Variants in MCTP1 observed in about 807,000 individuals in gnomAD.
MCTP1 encodes multiple C2 and transmembrane domain-containing protein 1.
In MCTP1, 69 loss-of-function variants were observed where a neutral mutation model predicts 120.6. That is an observed-to-expected ratio of 0.57 (90% CI 0.47 to 0.70). The LOEUF is 0.70. MCTP1 is among the 30% of genes least tolerant of loss of function. MCTP1 has a pLI of 0.00. For synonymous variants in MCTP1, 529 were observed against 493.1 expected (o/e 1.07, Z -0.96); for missense variants, 1,203 against 1,248.8 (o/e 0.96, Z 0.55).
intron 1 of MCTP1, among the ~76,000 whole-genome samples, chr5:95,212,938 C>G (rs1752574494): frequency 6.6e-6 from 1 of 152,150 alleles, no homozygotes; most frequent in African/African-American, 2.4e-5. Flanking sequence ...GAAGCATTCC[C>G]TTTGAAAACC....
Position 94,974,234 on chromosome 5 carries a change from AT to A in MCTP1, c.839-20874del, listed in dbSNP as rs1310931337. Among the ~76,000 whole-genome samples the A allele has an allele frequency of 6.6e-5, 10 of 152,280 alleles. No individual in the cohort carries two copies. In the South Asian group the frequency reaches 2.1e-3, roughly 32 times the overall value. Reference sequence around the variant, plus strand: ...TTGAGATAACAGTTACTAATTATCTATTTTTCCTAATCATTTAGGAATACAT... The same window carrying A: ...TTGAGATAACAGTTACTAATTATCTATTTTCCTAATCATTTAGGAATACAT... On this transcript the variant is annotated intron_variant, in intron 2 of 22. Transcript: ENST00000515393.
chr5:94,973,783 G>A (rs182828136), intron 2 of MCTP1, among the ~76,000 whole-genome samples: 165 of 152,174 alleles, frequency 1.1e-3, no homozygotes, highest in African/African-American at 3.9e-3. Flanking sequence ...GGGATGAAAA[G>A]GCTCATGACC....
intron 1 of MCTP1, among the ~76,000 whole-genome samples, chr5:95,260,275 C>G (rs890282852): frequency 6.6e-6 from 1 of 152,126 alleles, no homozygotes; most frequent in Non-Finnish European, 1.5e-5. Flanking sequence ...CCCCTTGAGG[C>G]GCTCATCCAG....
chr5:94,854,670 T>C (rs1794410546), intron 17 of MCTP1, among the ~76,000 whole-genome samples: 1 of 151,846 alleles, frequency 6.6e-6, no homozygotes, highest in Admixed American at 6.6e-5. Context: ...TATGACCCAT[T>C]AGTCCCCATA....
At chr5:95,062,426 G>A (rs1749473345) in intron 1 of MCTP1, among the ~76,000 whole-genome samples, 1 of 151,484 alleles carries the variant, frequency 6.6e-6, no homozygotes, top group Admixed American at 6.6e-5. Context: ...TATTTTTTTT[G>A]GTTCAAGCAG....
intron 17 of MCTP1, among the ~76,000 whole-genome samples, chr5:94,804,279 C>A (rs1048096998): frequency 1.3e-5 from 2 of 152,146 alleles, no homozygotes; most frequent in African/African-American, 2.4e-5. Flanking sequence ...CATCATAGGA[C>A]CCTGTGCAAG....
chr5:95,145,541 G>A (rs1418273058), intron 1 of MCTP1, among the ~76,000 whole-genome samples: 3 of 152,026 alleles, frequency 2.0e-5, no homozygotes, highest in African/African-American at 7.2e-5. Flanking sequence ...TGTCATGAAT[G>A]GCTCTTATTA....
intron 10 of MCTP1, among the ~76,000 whole-genome samples, chr5:94,901,190 G>A (rs1429909896): frequency 6.6e-6 from 1 of 152,194 alleles, no homozygotes; most frequent in Non-Finnish European, 1.5e-5. Flanking sequence ...GGCGAATGAG[G>A]AGCAAAGTTA....
chr5:95,020,790 A>G (rs552656133), intron 1 of MCTP1, among the ~76,000 whole-genome samples: 6 of 152,112 alleles, frequency 3.9e-5, no homozygotes, highest in African/African-American at 9.6e-5. Context: ...ATAGGAACCT[A>G]TGTGTTTTCT....
At chr5:94,914,169 G>A (rs1039151602) in intron 8 of MCTP1, among the ~76,000 whole-genome samples, 2 of 152,158 alleles carry the variant, frequency 1.3e-5, no homozygotes, top group African/African-American at 4.8e-5. Flanking sequence ...TCAGCATCAA[G>A]CAGTACTGTA....
intron 17 of MCTP1, among the ~76,000 whole-genome samples, chr5:94,836,446 A>C (rs1789810160): frequency 6.6e-6 from 1 of 152,220 alleles, no homozygotes; most frequent in Admixed American, 6.5e-5. Context: ...ACAGCACTTG[A>C]GGAGTTGAGG....
intron 1 of MCTP1, among the ~76,000 whole-genome samples, chr5:95,231,484 CAAT>C (rs775915877): frequency 1.6e-4 from 25 of 152,186 alleles, no homozygotes; most frequent in Admixed American, 2.0e-4. Context: ...GTTTTTAAGA[CAAT>C]GACATCAGGC....
intron 1 of MCTP1, among the ~76,000 whole-genome samples, chr5:95,024,288 T>A (rs1838780440): frequency 6.6e-6 from 1 of 152,102 alleles, no homozygotes; most frequent in East Asian, 1.9e-4. Flanking sequence ...AAGAGTGAGA[T>A]AAGAGTCTAA....
At chr5:95,084,371 T>C (rs1349633075) in intron 1 of MCTP1, among the ~76,000 whole-genome samples, 1 of 152,158 alleles carries the variant, frequency 6.6e-6, no homozygotes, top group Non-Finnish European at 1.5e-5. Context: ...CCACTCTCCA[T>C]TCTTTACCAG....
chr5:95,126,963 TC>T (rs1159730947), intron 1 of MCTP1, among the ~76,000 whole-genome samples: 1 of 152,222 alleles, frequency 6.6e-6, no homozygotes, highest in Non-Finnish European at 1.5e-5. Context: ...GTCCGATTTT[TC>T]TTTAACGATT....
At chr5:95,221,391 T>G (rs1753680072) in intron 1 of MCTP1, among the ~76,000 whole-genome samples, 1 of 152,238 alleles carries the variant, frequency 6.6e-6, no homozygotes, top group African/African-American at 2.4e-5. Context: ...CAGAGCCATC[T>G]GTCTGGGCAG....
At chr5:95,164,445 C>A (rs1223586197) in intron 1 of MCTP1, among the ~76,000 whole-genome samples, 1 of 152,062 alleles carries the variant, frequency 6.6e-6, no homozygotes, top group East Asian at 1.9e-4. Context: ...AATCTCTCCC[C>A]CCAAAAAATG....
chr5:95,100,759 T>TA (rs1436626393), intron 1 of MCTP1, among the ~76,000 whole-genome samples: 1 of 152,184 alleles, frequency 6.6e-6, no homozygotes, highest in African/African-American at 2.4e-5. Flanking sequence ...CCAGCGATGA[T>TA]ATCATCAAAT....
intron 1 of MCTP1, among the ~76,000 whole-genome samples, chr5:95,086,964 C>A (rs1163055615): frequency 6.6e-6 from 1 of 152,172 alleles, no homozygotes; most frequent in African/African-American, 2.4e-5. Flanking sequence ...TTTGTAAATA[C>A]AGATGTTCAC....
Sources: allele counts gnomAD v4.1 joint callset (sites outside exome capture counted in the v4.1 genomes callset), GRCh38; gene constraint gnomAD v4.1.1; transcripts MANE v1.5; gene names NCBI Gene and HGNC (gene_info 2026-07-23, HGNC 2026-07-21).